The following ADK variants were observed in gnomAD, a reference collection of about 807,000 sequenced individuals.
The protein encoded by ADK is adenosine kinase.
A neutral mutation model predicts 44.7 loss-of-function variants in ADK; 24 were observed. The observed-to-expected ratio is 0.54, with a 90% CI of 0.39 to 0.76. ADK has a LOEUF of 0.76. Among genes scored for constraint, ADK ranks in the 30% least tolerant of loss-of-function variants. ADK has a pLI of 0.00. For synonymous variants in ADK, 128 were observed against 142.6 expected (o/e 0.90, Z 0.73); for missense variants, 321 against 425.1 (o/e 0.76, Z 2.15).
chr10:74,422,602 T>C (rs1371295533), intron 6 of ADK, among the ~76,000 whole-genome samples: 5 of 152,214 alleles, frequency 3.3e-5, no homozygotes, highest in Non-Finnish European at 5.9e-5. Flanking sequence ...AAACTTGCAA[T>C]TTTTCTGTAT....
chr10:74,687,737 C>T (rs1564852689), intron 10 of ADK, among the ~76,000 whole-genome samples: 1 of 152,194 alleles, frequency 6.6e-6, no homozygotes, highest in Non-Finnish European at 1.5e-5. Context: ...TTCCCTCTCT[C>T]CAAACCGTCA....
chr10:74,211,237 A>G (rs1843801391), intron 2 of ADK, among the ~76,000 whole-genome samples: 1 of 152,148 alleles, frequency 6.6e-6, no homozygotes, highest in Non-Finnish European at 1.5e-5. Context: ...ACAGCTTTCA[A>G]CATTATGTTT....
chr10:74,376,451 C>T (rs1201833166), intron 4 of ADK, among the ~76,000 whole-genome samples: 3 of 152,018 alleles, frequency 2.0e-5, no homozygotes, highest in Admixed American at 6.6e-5. Flanking sequence ...ATGAGCTCCA[C>T]GTTTCTATTC....
At chr10:74,184,258 A>G (rs552514845) in intron 1 of ADK, among the ~76,000 whole-genome samples, 115 of 152,338 alleles carry the variant, frequency 7.5e-4, no homozygotes, top group Non-Finnish European at 1.3e-3. Flanking sequence ...GGTTATGAAC[A>G]GGATGACCAT....
chr10:74,226,408 C>A (rs1343320495), intron 3 of ADK, among the ~76,000 whole-genome samples: 2 of 152,164 alleles, frequency 1.3e-5, no homozygotes, highest in Non-Finnish European at 2.9e-5. Flanking sequence ...CCGTGCCCAG[C>A]CCCTACATTT....
chr10:74,279,490 G>T (rs2132439202), intron 3 of ADK, among the ~76,000 whole-genome samples: 2 of 150,722 alleles, frequency 1.3e-5, no homozygotes, highest in South Asian at 4.2e-4. Flanking sequence ...GGAGGCTAAG[G>T]CCAGAGAATC....
chr10:74,632,962 G>GT (rs1288684928), intron 9 of ADK, among the ~76,000 whole-genome samples: 1 of 152,002 alleles, frequency 6.6e-6, no homozygotes, highest in African/African-American at 2.4e-5. Context: ...TATTCTGGAA[G>GT]TTTTTTCATA....
At position 74,188,349 on chromosome 10, in the gene ADK, T is replaced by A. The variant is rs889754584; in HGVS notation, c.66-12415T>A. 6.4e-5 allele frequency among the ~76,000 whole-genome samples: 8 copies of A among 125,586 alleles called. 1 individual carries two copies. Among genetic ancestry groups the A allele is most frequent in the African/African-American group, 3.6e-4 (8 of 22,196 alleles). 82.4% of individuals were successfully genotyped at this position (125,586 alleles called of 152,430 possible). On this transcript the variant is annotated intron_variant, in intron 1 of 10. Transcript: ENST00000539909. ...TTTTGGACATGTATTTTTAATTTTTTTTTTTTTTTTTTTTTTTGAGACGGG... is the reference window on the plus strand; with the variant it reads ...TTTTGGACATGTATTTTTAATTTTTATTTTTTTTTTTTTTTTTGAGACGGG...
intron 7 of ADK, among the ~76,000 whole-genome samples, chr10:74,581,138 G>C (rs1388348301): frequency 6.6e-6 from 1 of 151,816 alleles, no homozygotes; most frequent in Non-Finnish European, 1.5e-5. Context: ...ATTTAGAAAT[G>C]ATACAGATGT....
At chr10:74,494,328 C>T (rs1456821964) in intron 6 of ADK, among the ~76,000 whole-genome samples, 1 of 152,126 alleles carries the variant, frequency 6.6e-6, no homozygotes, top group African/African-American at 2.4e-5. Flanking sequence ...TATATACATA[C>T]ATTCTGTCCT....
chr10:74,550,974 T>A (rs2133778989), intron 7 of ADK, among the ~76,000 whole-genome samples: 1 of 152,250 alleles, frequency 6.6e-6, no homozygotes, highest in Non-Finnish European at 1.5e-5. Context: ...AGTAGTTGGA[T>A]CTACAGGGAT....
chr10:74,624,364 G>C (rs1343259758), intron 9 of ADK, among the ~76,000 whole-genome samples: 6 of 150,024 alleles, frequency 4.0e-5, no homozygotes, highest in Admixed American at 1.3e-4. Context: ...TTAAATTTTT[G>C]TGTTTTTAAA....
rs180779794 is a variant in ADK at position 74,173,637 on chromosome 10, G to A, written c.65+22294G>A. 3.4e-3 allele frequency among the ~76,000 whole-genome samples: 517 copies of A among 151,296 alleles called. 1 individual carries two copies. The highest frequency in any genetic ancestry group is 0.012 in the African/African-American group (476 of 41,182). On this transcript the variant is annotated intron_variant, in intron 1 of 10. Coordinates refer to ENST00000539909, the MANE Select transcript of ADK (RefSeq NM_006721.4). ...GTAAAGATGGGGTTTCACCATATTG[G>A]CCAGGCTGGTCTCGAACTCCTGACC...
At chr10:74,638,179 A>G (rs1056578893) in intron 9 of ADK, among the ~76,000 whole-genome samples, 5 of 152,174 alleles carry the variant, frequency 3.3e-5, no homozygotes, top group African/African-American at 1.2e-4. Flanking sequence ...TAAGATATAG[A>G]TTTGTAAATT....
chr10:74,355,246 A>G (rs944815418), intron 4 of ADK, among the ~76,000 whole-genome samples: 1 of 152,248 alleles, frequency 6.6e-6, no homozygotes, highest in Admixed American at 6.5e-5. Context: ...GAGATAAACC[A>G]ACTATTAGTA....
chr10:74,383,116 C>T (rs1022280312), intron 4 of ADK, among the ~76,000 whole-genome samples: 1 of 151,938 alleles, frequency 6.6e-6, no homozygotes, highest in Non-Finnish European at 1.5e-5. Context: ...GATACTGCTA[C>T]AATAATTACA....
intron 3 of ADK, among the ~76,000 whole-genome samples, chr10:74,304,490 C>G (rs1311079838): frequency 6.6e-6 from 1 of 152,006 alleles, no homozygotes; most frequent in Non-Finnish European, 1.5e-5. Context: ...GGTAACATAT[C>G]TGTGTTAATC....
chr10:74,427,516 G>T (rs1480437203), intron 6 of ADK, among the ~76,000 whole-genome samples: 1 of 152,064 alleles, frequency 6.6e-6, no homozygotes, highest in Non-Finnish European at 1.5e-5. Flanking sequence ...TATTTTAATG[G>T]TATGGGCAAA....
At chr10:74,693,130 C>G (rs1856051999) in intron 10 of ADK, among the ~76,000 whole-genome samples, 1 of 152,062 alleles carries the variant, frequency 6.6e-6, no homozygotes, top group South Asian at 2.1e-4. Flanking sequence ...AAAGTGTAAG[C>G]CCTAATGTAA....
Sources: allele counts gnomAD v4.1 joint callset (sites outside exome capture counted in the v4.1 genomes callset), GRCh38; gene constraint gnomAD v4.1.1; transcripts MANE v1.5; gene names NCBI Gene and HGNC (gene_info 2026-07-23, HGNC 2026-07-21).